BANK1: variants seen among roughly 807,000 people sequenced by gnomAD.
BANK1 encodes the protein B-cell scaffold protein with ankyrin repeats.
A neutral mutation model predicts 94.5 loss-of-function variants in BANK1; 95 were observed. That is an observed-to-expected ratio of 1.00 (90% CI 0.85 to 1.19). The LOEUF (loss-of-function observed/expected upper bound fraction) is 1.19. BANK1 is among the 50% of genes most tolerant of loss of function. BANK1 has a pLI of 0.00. For synonymous variants in BANK1, 334 were observed against 308.4 expected (o/e 1.08, Z -0.87); for missense variants, 987 against 932.2 (o/e 1.06, Z -0.77).
chr4:102,000,813 A>G (rs1726040810), intron 7 of BANK1, among the ~76,000 whole-genome samples: 1 of 152,192 alleles, frequency 6.6e-6, no homozygotes, highest in South Asian at 2.1e-4. Context: ...CACAGTTTCC[A>G]TGTTTTCACC....
At chr4:101,912,650 A>G (rs975686395) in intron 6 of BANK1, among the ~76,000 whole-genome samples, 6 of 148,586 alleles carry the variant, frequency 4.0e-5, no homozygotes, top group African/African-American at 7.3e-5. Flanking sequence ...AAATAAATAT[A>G]AAATATAAAT....
intron 2 of BANK1, among the ~76,000 whole-genome samples, chr4:101,832,547 T>C (rs1354568455): frequency 6.6e-6 from 1 of 152,164 alleles, no homozygotes; most frequent in Non-Finnish European, 1.5e-5. Context: ...TTTTATACTT[T>C]CATGAGTTTC....
chr4:101,809,582 A>T (rs1395954326), intron 1 of BANK1, among the ~76,000 whole-genome samples: 2 of 152,126 alleles, frequency 1.3e-5, no homozygotes, highest in African/African-American at 2.4e-5. Context: ...GAAAGATAAT[A>T]ATTTGCATTT....
At chr4:101,936,186 GAT>G (rs59723463) in intron 7 of BANK1, among the ~76,000 whole-genome samples, 2 of 146,856 alleles carry the variant, frequency 1.4e-5, no homozygotes, top group African/African-American at 5.0e-5. Flanking sequence ...AAATATATAT[GAT>G]ATATATATTT....
At chr4:102,038,463 G>A (rs1373453223) in intron 10 of BANK1, among the ~76,000 whole-genome samples, 1 of 152,130 alleles carries the variant, frequency 6.6e-6, no homozygotes. Flanking sequence ...TGGGTAATAA[G>A]AGAATTAAAT....
At chr4:102,031,904 T>G (rs1280581142) in intron 10 of BANK1, among the ~76,000 whole-genome samples, 5 of 152,146 alleles carry the variant, frequency 3.3e-5, no homozygotes, top group Non-Finnish European at 7.4e-5. Context: ...TACACTTATT[T>G]AATGATGATC....
chr4:101,990,116 A>G (rs538599856), intron 7 of BANK1, among the ~76,000 whole-genome samples: 1 of 152,320 alleles, frequency 6.6e-6, no homozygotes, highest in East Asian at 1.9e-4. Flanking sequence ...ACTAGTGAAA[A>G]AGCAAAATGT....
chr4:101,950,060 T>C (rs58350514), intron 7 of BANK1, among the ~76,000 whole-genome samples: 57,250 of 139,348 alleles, frequency 0.41, 11,708 homozygotes, highest in South Asian at 0.53. Flanking sequence ...TGTGTGTGTG[T>C]GCGCGTGCGC....
chr4:101,832,453 A>T (rs964129566), intron 2 of BANK1, among the ~76,000 whole-genome samples: 2 of 152,080 alleles, frequency 1.3e-5, no homozygotes, highest in Non-Finnish European at 2.9e-5. Flanking sequence ...TCTGCACTGC[A>T]CTCTACAATT....
chr4:101,949,452 A>AAAG (rs1724056507), intron 7 of BANK1, among the ~76,000 whole-genome samples: 1 of 152,144 alleles, frequency 6.6e-6, no homozygotes, highest in Non-Finnish European at 1.5e-5. Context: ...GATACTCTCT[A>AAAG]AGCCTTGACT....
chr4:102,042,466 G>A (rs1292982362), intron 10 of BANK1, among the ~76,000 whole-genome samples: 3 of 151,964 alleles, frequency 2.0e-5, no homozygotes, highest in Non-Finnish European at 4.4e-5. Flanking sequence ...CTGTTTAAAA[G>A]AGCACAGTTG....
chr4:101,807,033 T>C (rs1475394901), intron 1 of BANK1, among the ~76,000 whole-genome samples: 1 of 152,210 alleles, frequency 6.6e-6, no homozygotes, highest in African/African-American at 2.4e-5. Context: ...AAGCAACAGC[T>C]AAGAGTGTTT....
intron 2 of BANK1, among the ~76,000 whole-genome samples, chr4:101,843,625 A>G (rs1578351118): frequency 6.6e-6 from 1 of 152,196 alleles, no homozygotes; most frequent in African/African-American, 2.4e-5. Flanking sequence ...TCTTTTAAAT[A>G]TATGGCTACA....
intron 7 of BANK1, among the ~76,000 whole-genome samples, chr4:101,973,961 A>G (rs1725042933): frequency 3.3e-5 from 5 of 152,236 alleles, no homozygotes; most frequent in Admixed American, 3.3e-4. Context: ...ATTATTAATC[A>G]TTTAACACTG....
chr4:101,853,969 C>G (rs1727588937), intron 2 of BANK1, among the ~76,000 whole-genome samples: 1 of 152,150 alleles, frequency 6.6e-6, no homozygotes, highest in South Asian at 2.1e-4. Flanking sequence ...TCTTGTCACT[C>G]TCTTGGTTCA....
At chr4:101,804,739 C>T (rs375450852) in intron 1 of BANK1, among the ~76,000 whole-genome samples, 156 of 152,182 alleles carry the variant, frequency 1.0e-3, no homozygotes, top group African/African-American at 3.6e-3. Flanking sequence ...CTCTAGCTTA[C>T]TTTATTGTAA....
chr4:101,867,990 T>A (rs2148879845), intron 4 of BANK1, among the ~76,000 whole-genome samples: 1 of 152,030 alleles, frequency 6.6e-6, no homozygotes, highest in Non-Finnish European at 1.5e-5. Flanking sequence ...TAGTGAATAG[T>A]CTAAGAACGC....
At chr4:101,937,194 C>T (rs1284946567) in intron 7 of BANK1, among the ~76,000 whole-genome samples, 1 of 151,594 alleles carries the variant, frequency 6.6e-6, no homozygotes, top group Non-Finnish European at 1.5e-5. Flanking sequence ...TGAAAGAAAC[C>T]AGGCATTGAA....
rs755415699 is a variant in BANK1, at chr4:102,029,830, C to A, written c.1595-130C>A. The A allele has an allele frequency of 4.7e-4, 346 of 743,950 alleles. 1 individual carries two copies. The highest frequency in any genetic ancestry group is 8.1e-4 in the Middle Eastern group (2 of 2,462). 46.1% of individuals were successfully genotyped at this position (743,950 alleles called of 1,614,324 possible). Reference sequence around the variant, plus strand: ...TAAATTATTCTCCTGGAGTCACGAGCTCTTCTCTAATACTGTTTCCTACGG... The same window carrying A: ...TAAATTATTCTCCTGGAGTCACGAGATCTTCTCTAATACTGTTTCCTACGG... On this transcript the variant is annotated intron_variant, in intron 9 of 16. Transcript: ENST00000322953.
Sources: gnomAD v4.1 joint callset for allele counts (sites outside exome capture counted in the v4.1 genomes callset) on GRCh38, gnomAD v4.1.1 for gene constraint, MANE v1.5 for transcripts, NCBI Gene and HGNC (gene_info 2026-07-23, HGNC 2026-07-21) for gene names.